TSPAN12: variants seen among roughly 807,000 people sequenced by gnomAD.
TSPAN12 encodes tetraspanin-12.
Under a neutral mutation model 39.2 loss-of-function variants are expected in TSPAN12, and 19 were observed. The observed-to-expected ratio is 0.49, with a 90% CI of 0.34 to 0.71. The LOEUF (loss-of-function observed/expected upper bound fraction) is 0.71, where lower values mean the gene tolerates loss of function less well. Ranked by LOEUF, TSPAN12 falls within the 30% of genes least tolerant of loss-of-function variation. The pLI, the probability that TSPAN12 is intolerant of heterozygous loss-of-function variation, is 0.01. For synonymous variants in TSPAN12, 119 were observed against 124.8 expected, an observed-to-expected ratio of 0.95 and a Z score of 0.31; for missense variants, 314 against 359.9, an observed-to-expected ratio of 0.87 and a Z score of 1.03.
intron 6 of TSPAN12, among the ~76,000 whole-genome samples, chr7:120,808,106 C>G (rs575169551): frequency 6.6e-6 from 1 of 152,262 alleles, no homozygotes; most frequent in African/African-American, 2.4e-5. Flanking sequence ...GTCTCCTTTG[C>G]TAATGACATG....
chr7:120,848,575 T>C (rs1253162112), intron 2 of TSPAN12, among the ~76,000 whole-genome samples: 1 of 152,228 alleles, frequency 6.6e-6, no homozygotes, highest in East Asian at 1.9e-4. Context: ...GATTAGAAGC[T>C]GGCTAAAGTG....
intron 7 of TSPAN12, among the ~76,000 whole-genome samples, chr7:120,794,950 G>C (rs1793602617): frequency 6.6e-6 from 1 of 152,092 alleles, no homozygotes; most frequent in Non-Finnish European, 1.5e-5. Flanking sequence ...TATGCATAAG[G>C]TTTACATTTT....
At chr7:120,797,051 G>C (rs536461247) in intron 7 of TSPAN12, among the ~76,000 whole-genome samples, 2 of 151,864 alleles carry the variant, frequency 1.3e-5, no homozygotes, top group African/African-American at 4.8e-5. Context: ...CAGCTGCTCA[G>C]GAGGCTGAGG....
At chr7:120,838,255 A>C (rs546779707) in intron 4 of TSPAN12, among the ~76,000 whole-genome samples, 1 of 152,324 alleles carries the variant, frequency 6.6e-6, no homozygotes, top group African/African-American at 2.4e-5. Context: ...TGGTGAAACT[A>C]ATTTAAAAAG....
At chr7:120,805,662 C>T (rs916549962) in intron 7 of TSPAN12, among the ~76,000 whole-genome samples, 1 of 152,028 alleles carries the variant, frequency 6.6e-6, no homozygotes, top group African/African-American at 2.4e-5. Context: ...ATAAAGACTG[C>T]CTAACAAAAC....
intron 7 of TSPAN12, among the ~76,000 whole-genome samples, chr7:120,805,772 GA>G (rs1320030984): frequency 2.0e-5 from 3 of 152,140 alleles, no homozygotes; most frequent in Non-Finnish European, 1.5e-5. Context: ...TAGTGCAACA[GA>G]GGAACAGATA....
intron 2 of TSPAN12, among the ~76,000 whole-genome samples, chr7:120,845,451 A>G (rs1348506310): frequency 6.6e-6 from 1 of 151,776 alleles, no homozygotes; most frequent in East Asian, 1.9e-4. Flanking sequence ...TTCCTTCTAA[A>G]TATAAGTTCC....
chr7:120,804,176 G>C (rs887864855), intron 7 of TSPAN12, among the ~76,000 whole-genome samples: 8 of 152,004 alleles, frequency 5.3e-5, no homozygotes, highest in Admixed American at 2.6e-4. Flanking sequence ...AATTTGGTAG[G>C]TTTCAATTTA....
At chr7:120,851,146 T>A (rs1383672042) in intron 2 of TSPAN12, among the ~76,000 whole-genome samples, 1 of 152,236 alleles carries the variant, frequency 6.6e-6, no homozygotes, top group Admixed American at 6.5e-5. Flanking sequence ...TATTTTAATA[T>A]GATTCATAAA....
At position 120,818,009 on chromosome 7, in the gene TSPAN12, C is replaced by G. The variant is rs184678426; in HGVS notation, c.286-2206G>C. 2.6e-5 allele frequency among the ~76,000 whole-genome samples: 4 copies of G among 152,130 alleles called. No homozygotes were observed. The East Asian group carries it at 7.7e-4, about 29-fold the overall frequency. ...TGGGAGCTACCTTGGACTGGGTGAT[C>G]AGGGAAGGTCTTTTGATAAAGGTGA... On this transcript the variant is annotated intron_variant, in intron 4 of 7. Transcript: ENST00000222747.
intron 2 of TSPAN12, among the ~76,000 whole-genome samples, chr7:120,847,058 T>C (rs182381726): frequency 8.5e-5 from 13 of 152,254 alleles, no homozygotes; most frequent in South Asian, 4.1e-4. Flanking sequence ...TTTCAAGGTA[T>C]ATCAGCTTCA....
intron 4 of TSPAN12, among the ~76,000 whole-genome samples, chr7:120,825,302 C>T (rs533901217): frequency 2.5e-4 from 38 of 152,244 alleles, no homozygotes; most frequent in Non-Finnish European, 4.6e-4. Context: ...TAACTAAAAA[C>T]TCAGACGGTT....
At chr7:120,807,607 C>A (rs1380024958) in intron 6 of TSPAN12, among the ~76,000 whole-genome samples, 2 of 152,086 alleles carry the variant, frequency 1.3e-5, no homozygotes, top group Admixed American at 1.3e-4. Flanking sequence ...TCCAACAGAT[C>A]AATCTATGTC....
At chr7:120,816,148 G>C (rs1794077449) in intron 4 of TSPAN12, among the ~76,000 whole-genome samples, 1 of 152,072 alleles carries the variant, frequency 6.6e-6, no homozygotes, top group African/African-American at 2.4e-5. Flanking sequence ...AGTGGACGAG[G>C]TGAAGTCAAC....
At chr7:120,853,471 G>GATATATATATATATAT (rs375897054) in intron 2 of TSPAN12, among the ~76,000 whole-genome samples, 16 of 138,134 alleles carry the variant, frequency 1.2e-4, no homozygotes, top group African/African-American at 3.9e-4. Context: ...AAGAAATGCA[G>GATATATATATATATAT]ATATATATAT....
intron 5 of TSPAN12, among the ~76,000 whole-genome samples, chr7:120,812,575 GT>G (rs1052794087): frequency 6.6e-6 from 1 of 152,002 alleles, no homozygotes; most frequent in Admixed American, 6.6e-5. Context: ...GAAAATCTTC[GT>G]TTTTTTCTTT....
intron 4 of TSPAN12, among the ~76,000 whole-genome samples, chr7:120,829,387 G>A (rs967697137): frequency 6.6e-6 from 1 of 150,772 alleles, no homozygotes; most frequent in African/African-American, 2.5e-5. Context: ...TACTAACCAT[G>A]ATTTTTTTTT....
At chr7:120,815,585 C>A in intron 5 of TSPAN12, 144 bp downstream of exon 5, 1 of 766,792 alleles carries the variant, frequency 1.3e-6, no homozygotes, top group Non-Finnish European at 2.2e-6. Context: ...GCCTCCCCAG[C>A]CATGCTGAAC....
chr7:120,832,738 A>T (rs1056142714), intron 4 of TSPAN12, among the ~76,000 whole-genome samples: 1 of 152,120 alleles, frequency 6.6e-6, no homozygotes, highest in Non-Finnish European at 1.5e-5. Flanking sequence ...GGAGGGCAAA[A>T]GGAAAGGAAA....
Sources: allele counts gnomAD v4.1 joint callset (sites outside exome capture counted in the v4.1 genomes callset), GRCh38; gene constraint gnomAD v4.1.1; transcripts MANE v1.5; gene names NCBI Gene and HGNC (gene_info 2026-07-23, HGNC 2026-07-21).